The following PCDHGA7 variants were observed in gnomAD, a reference collection of about 807,000 sequenced individuals.
PCDHGA7 encodes protocadherin gamma subfamily A, 7, also known as protocadherin gamma-A7.
PCDHGA7 carries 44 observed loss-of-function variants against 58.3 expected under a neutral mutation model. The ratio of observed to expected loss-of-function variants is 0.75; its 90% CI spans 0.59 to 0.97. The LOEUF is 0.97. Ranked by LOEUF, PCDHGA7 falls within the 50% of genes least tolerant of loss-of-function variation. The pLI, the probability that PCDHGA7 is intolerant of heterozygous loss-of-function variation, is 0.00. For missense variants in PCDHGA7, 1,266 were observed against 1,188.7 expected (o/e 1.06, Z -0.96); for synonymous variants, 516 against 504.2 (o/e 1.02, Z -0.31).
chr5:141,463,086 GC>G (rs1171354311), intron 1 of PCDHGA7, among the ~76,000 whole-genome samples: 1 of 152,098 alleles, frequency 6.6e-6, no homozygotes, highest in African/African-American at 2.4e-5. Context: ...ACATTTTCCA[GC>G]CCTATGTGAC....
chr5:141,443,235 C>G (rs1182428300), intron 1 of PCDHGA7, among the ~76,000 whole-genome samples: 2 of 151,642 alleles, frequency 1.3e-5, no homozygotes, highest in East Asian at 1.9e-4. Flanking sequence ...AATCTTAGCA[C>G]TTTGGGGCGC....
At chr5:141,394,399 A>C in intron 1 of PCDHGA7, 3 of 1,614,206 alleles carry the variant, frequency 1.9e-6, no homozygotes, top group Non-Finnish European at 2.5e-6. Context: ...CGAGACCTGC[A>C]GCTACTGGTA....
chr5:141,509,809 A>G (rs13163163), intron 3 of PCDHGA7, among the ~76,000 whole-genome samples: 35,240 of 151,962 alleles, frequency 0.23, 4,247 homozygotes, highest in Admixed American at 0.33. Context: ...CATAGAGCCG[A>G]GCTCTTCTCC....
chr5:141,484,004 G>C (rs1042457090), intron 1 of PCDHGA7, among the ~76,000 whole-genome samples: 5 of 146,164 alleles, frequency 3.4e-5, no homozygotes, highest in Non-Finnish European at 4.5e-5. Flanking sequence ...AGGTCTGGAT[G>C]AGGGTGGGGG....
In PCDHGA7 at chr5:141,418,344, T is replaced by C. The variant is rs746519142; in HGVS notation, c.2424+33021T>C. On this transcript the variant is annotated intron_variant, in intron 1 of 3. Transcript: ENST00000518325. ...CTTGAGTCTGCAGAAGATCCTGATA[T>C]TAGTATGAATTCGCTGAGCAAATAC... 4.3e-6 allele frequency: 7 copies of C among 1,613,890 alleles called. No individual in the cohort carries two copies. The highest frequency in any genetic ancestry group is 2.2e-5 in the South Asian group (2 of 91,086).
intron 1 of PCDHGA7, chr5:141,442,360 G>A (rs890049391): frequency 6.6e-6 from 1 of 152,272 alleles, no homozygotes; most frequent in African/African-American, 2.4e-5. Flanking sequence ...GTAGCTCTAT[G>A]ATGCCATATT....
Position 141,492,023 on chromosome 5 carries a change from C to G in PCDHGA7, c.2425-2784C>G, listed in dbSNP as rs536734764. 1.8e-4 allele frequency: 102 copies of G among 564,804 alleles called. 3 individuals carry two copies. In the South Asian group the frequency reaches 2.8e-3, roughly 15 times the overall value. The allele number at this position is 564,804 out of a possible 1,614,324, so 35.0% of individuals were successfully genotyped here. A position where few individuals can be genotyped will look rare whatever the true frequency, so the allele number is the denominator to read the frequency against. On this transcript the variant is annotated intron_variant, in intron 1 of 3. Coordinates refer to ENST00000518325, the MANE Select transcript of PCDHGA7 (RefSeq NM_018920.4). Reference sequence around the variant, plus strand: ...CGATTTCCGCGGGTGTCGGGGGTCCCGGGAGGAGGCAGTCACAGATCCACC... The same window carrying G: ...CGATTTCCGCGGGTGTCGGGGGTCCGGGGAGGAGGCAGTCACAGATCCACC...
chr5:141,423,983 C>T, intron 1 of PCDHGA7: 5 of 1,107,052 alleles, frequency 4.5e-6, no homozygotes, highest in Non-Finnish European at 5.6e-6. Context: ...GTATGAGGCT[C>T]TCAATTTATT....
chr5:141,424,076 A>C, intron 1 of PCDHGA7: 2 of 979,452 alleles, frequency 2.0e-6, no homozygotes, highest in Non-Finnish European at 2.5e-6. Flanking sequence ...TTGTAGTTAT[A>C]TTCCACCATT....
At chr5:141,445,524 TA>T (rs1180348783) in intron 1 of PCDHGA7, among the ~76,000 whole-genome samples, 1 of 152,192 alleles carries the variant, frequency 6.6e-6, no homozygotes, top group Admixed American at 6.5e-5. Flanking sequence ...ACAGGTCTGA[TA>T]AAAGCCAACA....
intron 1 of PCDHGA7, among the ~76,000 whole-genome samples, chr5:141,446,128 G>A (rs1242643475): frequency 3.3e-5 from 5 of 152,188 alleles, no homozygotes; most frequent in Non-Finnish European, 7.3e-5. Flanking sequence ...GGTTCAATAA[G>A]ACTTAATAAT....
chr5:141,415,289 C>T (rs1413039067), intron 1 of PCDHGA7: 11 of 1,614,088 alleles, frequency 6.8e-6, no homozygotes, highest in African/African-American at 1.3e-5. Flanking sequence ...GCCGCGGTCT[C>T]CTGCGTCTTC....
At chr5:141,422,168 G>T in intron 1 of PCDHGA7, 2 of 1,563,582 alleles carry the variant, frequency 1.3e-6, no homozygotes, top group Non-Finnish European at 1.7e-6. Context: ...GAAAAATATA[G>T]ATTCTATGAG....
chr5:141,385,006 G>A lies in PCDHGA7; in HGVS notation c.2107G>A (p.Val703Ile), dbSNP rs762264055. The A allele has an allele frequency of 6.2e-6, 10 of 1,613,972 alleles. No homozygotes were observed. The highest frequency in any genetic ancestry group is 2.2e-5 in the East Asian group (1 of 44,890). The change falls in exon 1 of 4, where the codon GTC (valine) becomes ATC (isoleucine). Residue 703 changes from valine to isoleucine, a missense_variant. Val to Ile is a conservative substitution (Grantham distance 29, BLOSUM62 3). Transcript: ENST00000518325. ...LVVAVATVSCVFLAFVLVLLA... is the reference protein window; with the variant it reads ...LVVAVATVSCIFLAFVLVLLA... ...GGTGGCGGTGGCCACAGTCTCCTGC[G>A]TCTTCCTAGCCTTCGTCCTCGTACT...
Position 141,457,874 on chromosome 5 carries a change from G to A in PCDHGA7, c.2425-36933G>A, listed in dbSNP as rs1592531610. Among the ~76,000 whole-genome samples, 7 of 152,320 alleles carry A rather than the reference G, an allele frequency of 4.6e-5. No homozygotes were observed. In the South Asian group the frequency reaches 1.5e-3, roughly 32 times the overall value. On this transcript the variant is annotated intron_variant, in intron 1 of 3. Transcript: ENST00000518325. ...ACATTCTTCACTGACCACAGGTTAGGAACCCTGTGTGGGGACTGTGTAGAC... is the reference window on the plus strand; with the variant it reads ...ACATTCTTCACTGACCACAGGTTAGAAACCCTGTGTGGGGACTGTGTAGAC...
chr5:141,490,730 A>C lies in PCDHGA7; in HGVS notation c.2425-4077A>C. On this transcript the variant is annotated intron_variant, in intron 1 of 3. Coordinates refer to ENST00000518325, the MANE Select transcript of PCDHGA7 (RefSeq NM_018920.4). This position sits in a 1 kb window ranked among gnomAD's most constrained non-coding sequence, Gnocchi z 5.4. ...CTCACCTACTCCATTGTAGGAAATC[A>C]GGTTCAGGGAGCCCCAGCCTCCTCC... 6.2e-7 allele frequency: 1 copy of C among 1,614,188 alleles called. No homozygotes were observed. Among genetic ancestry groups the C allele is most frequent in the Non-Finnish European group, 8.5e-7 (1 of 1,180,024 alleles).
chr5:141,394,136 C>G, intron 1 of PCDHGA7: 1 of 1,613,956 alleles, frequency 6.2e-7, no homozygotes, highest in Non-Finnish European at 8.5e-7. Flanking sequence ...TCGCTCTGCA[C>G]GTGGCAGACA....
Position 141,432,244 on chromosome 5 carries a change from C to T in PCDHGA7, c.2424+46921C>T. 1 of 1,614,262 alleles carries T rather than the reference C, an allele frequency of 6.2e-7. No homozygotes were observed. Among genetic ancestry groups the T allele is most frequent in the Non-Finnish European group, 8.5e-7 (1 of 1,180,048 alleles). On this transcript the variant is annotated intron_variant, in intron 1 of 3. Coordinates refer to ENST00000518325, the MANE Select transcript of PCDHGA7 (RefSeq NM_018920.4). The surrounding 1 kb of genome is among the most constrained non-coding windows in gnomAD (Gnocchi z 6.0). ...TCACTTATTCCCTGGCTGAGAACAC[C>T]ATCCAAGGGGCAAGCCTATCGTCCT...
chr5:141,384,071 CT>C lies in PCDHGA7; in HGVS notation c.1176del (p.Phe392LeufsTer3). 6.2e-7 allele frequency: 1 copy of C among 1,603,192 alleles called. No individual in the cohort carries two copies. On this transcript the variant is annotated frameshift_variant, in exon 1 of 4. Transcript: ENST00000518325. LOFTEE classifies it high-confidence loss of function. ...EVTCTIPENL[P>X]FKLEKSIDNY... ...ACCTGCACCATTCCAGAAAACCTAC[CT>C]TTTAAATTAGAAAAATCAATAGATA...
Sources: allele counts gnomAD v4.1 joint callset (sites outside exome capture counted in the v4.1 genomes callset), GRCh38; gene constraint gnomAD v4.1.1; non-coding constraint Gnocchi (gnomAD v3.1); transcripts MANE v1.5; gene names NCBI Gene and HGNC (gene_info 2026-07-23, HGNC 2026-07-21).